ADGRF3: variants seen among roughly 807,000 people sequenced by gnomAD.
ADGRF3 encodes G protein-coupled receptor 113.
In ADGRF3, 85 loss-of-function variants were observed where a neutral mutation model predicts 93.2. The observed-to-expected ratio is 0.91, with a 90% confidence interval of 0.77 to 1.09. The LOEUF (loss-of-function observed/expected upper bound fraction) is 1.09. Among genes scored for constraint, ADGRF3 ranks in the 50% least tolerant of loss-of-function variants. ADGRF3 has a pLI of 0.00. For synonymous variants in ADGRF3, 534 were observed against 532.5 expected, an observed-to-expected ratio of 1.00 and a Z score of -0.04; for missense variants, 1,125 against 1,246.2, an observed-to-expected ratio of 0.90 and a Z score of 1.46.
chr2:26,315,322 C>T (rs544737664), intron 5 of ADGRF3, among the ~76,000 whole-genome samples, 200 bp downstream of exon 5: 1 of 152,222 alleles, frequency 6.6e-6, no homozygotes, highest in Non-Finnish European at 1.5e-5. Flanking sequence ...TTTTTCACAC[C>T]AAGGGACCTC....
chr2:26,333,512 C>G, intron 1 of ADGRF3, among the ~76,000 whole-genome samples: 1 of 150,606 alleles, frequency 6.6e-6, no homozygotes, highest in Non-Finnish European at 1.5e-5. Flanking sequence ...CCCTAGGTAC[C>G]AGTCATCTCA....
Position 26,309,026 on chromosome 2 carries a change from T to G in ADGRF3, c.*60A>C. On this transcript the variant is annotated 3_prime_UTR_variant, in exon 14 of 14. Transcript: ENST00000651242. Reference sequence around the variant, plus strand: ...GTTCAGAGCATTGGGCCAGGGCTCATCTGGTGGGTTCAAGCACACAGCCTC... The same window carrying G: ...GTTCAGAGCATTGGGCCAGGGCTCAGCTGGTGGGTTCAAGCACACAGCCTC... 1 of 1,613,016 alleles carries G rather than the reference T, an allele frequency of 6.2e-7. No individual in the cohort carries two copies. The highest frequency in any genetic ancestry group is 8.5e-7 in the Non-Finnish European group (1 of 1,179,076).
chr2:26,308,885 C>G lies in ADGRF3; in HGVS notation c.*201G>C. ...AGGTGCCTTTAGCTAATTTTTCCTG[C>G]TATTCTTGCTGGATACTTTAGAAAT... is the stretch of plus-strand genomic sequence containing the variant. On this transcript the variant is annotated 3_prime_UTR_variant, in exon 14 of 14. Transcript: ENST00000651242. 1 of 607,964 alleles carries G rather than the reference C, an allele frequency of 1.6e-6. No homozygotes were observed. Among genetic ancestry groups the G allele is most frequent in the Non-Finnish European group, 2.8e-6 (1 of 361,326 alleles). 37.7% of individuals were successfully genotyped at this position (607,964 alleles called of 1,614,324 possible).
chr2:26,346,132 G>A lies in ADGRF3; in HGVS notation c.103C>T (p.Leu35=). ...TGWARMAKTG[L]PEKGQSQAGG... is the part of the protein sequence containing the mutation. ...CGCGGCTCTCCTACCTTCTCGGGCA[G>A]CCCAGTCTTTGCCATCCTTGCCCAG... Residue 35 remains leucine, a synonymous_variant, in exon 1 of 14, where the codon CTG becomes TTG. Coordinates refer to ENST00000651242, the MANE Select transcript of ADGRF3 (RefSeq NM_001321971.2). The A allele has an allele frequency of 6.3e-7, 1 of 1,595,894 alleles. No individual in the cohort carries two copies.
At chr2:26,314,319 G>A (rs1419420274) in intron 6 of ADGRF3, 95 bp downstream of exon 6, 2 of 1,159,594 alleles carry the variant, frequency 1.7e-6, no homozygotes, top group African/African-American at 3.1e-5. Context: ...GTTGAACTGT[G>A]GCCTCTGTTT....
chr2:26,341,946 G>A (rs1272159619), intron 1 of ADGRF3, among the ~76,000 whole-genome samples: 1 of 151,912 alleles, frequency 6.6e-6, no homozygotes, highest in Admixed American at 6.6e-5. Context: ...GGTGGCAGGT[G>A]CCTGTAGTCC....
chr2:26,330,623 C>T (rs1320651796), intron 1 of ADGRF3, among the ~76,000 whole-genome samples: 2 of 151,984 alleles, frequency 1.3e-5, no homozygotes, highest in Non-Finnish European at 2.9e-5. Context: ...TGCTTAGAGG[C>T]TGGGTGTGAA....
At chr2:26,310,609 C>G in intron 10 of ADGRF3, 83 bp downstream of exon 10, 1 of 1,408,280 alleles carries the variant, frequency 7.1e-7, no homozygotes, top group Non-Finnish European at 9.7e-7. Context: ...TCTGCTCCAC[C>G]TTGGTACCTC....
Position 26,316,331 on chromosome 2 carries a change from C to T in ADGRF3, c.443G>A (p.Cys148Tyr), listed in dbSNP as rs1347321804. ...GGGATGGCTGAAGACAAGGCAGCCACAAGGCTGGTGGTTGTGGAGGCTTTG... is the reference window on the plus strand; with the variant it reads ...GGGATGGCTGAAGACAAGGCAGCCATAAGGCTGGTGGTTGTGGAGGCTTTG... Reference protein sequence around the residue: ...PCQSLHNHQPCGCLVFSHPEP... With the variant: ...PCQSLHNHQPYGCLVFSHPEP... The change falls in exon 4 of 14, where the codon TGT becomes TAT. Residue 148 changes from cysteine (C) to tyrosine (Y), a missense_variant. Transcript: ENST00000651242. 6.4e-7 allele frequency: 1 copy of T among 1,551,964 alleles called. No individual in the cohort carries two copies. Among genetic ancestry groups the T allele is most frequent in the South Asian group, 1.2e-5 (1 of 84,064 alleles).
intron 1 of ADGRF3, among the ~76,000 whole-genome samples, chr2:26,334,532 C>T (rs990067745): frequency 3.3e-5 from 5 of 152,154 alleles, no homozygotes; most frequent in African/African-American, 4.8e-5. Flanking sequence ...GTGGCTACCT[C>T]AAGGGCTTGC....
intron 11 of ADGRF3, 23 bp downstream of exon 11, chr2:26,310,173 G>A: frequency 6.2e-7 from 1 of 1,613,872 alleles, no homozygotes; most frequent in South Asian, 1.1e-5. Flanking sequence ...AAGTGAGGCA[G>A]GGGGTTAGGT....
chr2:26,344,343 C>G (rs985393267), intron 1 of ADGRF3, among the ~76,000 whole-genome samples: 8 of 152,208 alleles, frequency 5.3e-5, no homozygotes, highest in Admixed American at 2.6e-4. Flanking sequence ...GAGGTTTCAC[C>G]ATATTGTCCA....
intron 1 of ADGRF3, 49 bp downstream of exon 1, chr2:26,346,072 G>A: frequency 2.6e-6 from 4 of 1,521,326 alleles, no homozygotes; most frequent in Non-Finnish European, 3.5e-6. Flanking sequence ...GCGGCCGAAG[G>A]GGCCGAGGCG....
intron 1 of ADGRF3, chr2:26,318,150 G>C: frequency 7.1e-7 from 1 of 1,417,468 alleles, no homozygotes; most frequent in Non-Finnish European, 9.5e-7. Flanking sequence ...GATGGAGCTG[G>C]CCCAAGGAGA....
chr2:26,315,916 G>T, intron 4 of ADGRF3, 176 bp from the exon 5 acceptor site: 1 of 985,440 alleles, frequency 1.0e-6, no homozygotes, highest in Non-Finnish European at 1.5e-6. Context: ...CTGCAATCCA[G>T]CCTGGAAGAC....
chr2:26,316,285 C>T lies in ADGRF3; in HGVS notation c.489G>A (p.Leu163=). ...FSHPEPGYCQ[L]LPPVPGILNL... is the part of the protein sequence containing the mutation. ...CCCAACCTTCCTCACCAGGTGGCAG[C>T]AACTGGCAGTACCCGGGTTCGGGAT... is the stretch of plus-strand genomic sequence containing the variant. Residue 163 remains leucine, a synonymous_variant, in exon 4 of 14, where the codon TTG becomes TTA. Transcript: ENST00000651242. 1 of 1,551,286 alleles carries T rather than the reference C, an allele frequency of 6.4e-7. No homozygotes were observed. The highest frequency in any genetic ancestry group is 8.7e-7 in the Non-Finnish European group (1 of 1,146,766).
intron 1 of ADGRF3, among the ~76,000 whole-genome samples, chr2:26,328,589 G>A (rs1675583683): frequency 6.6e-6 from 1 of 152,002 alleles, no homozygotes. Flanking sequence ...GAGTAGCTGG[G>A]ACCACAGGTG....
At chr2:26,321,358 G>A (rs189186434) in intron 1 of ADGRF3, among the ~76,000 whole-genome samples, 2 of 152,338 alleles carry the variant, frequency 1.3e-5, no homozygotes, top group Admixed American at 1.3e-4. Flanking sequence ...AGCATGCTGT[G>A]TGCTGTCTGT....
At chr2:26,325,879 A>G (rs1675406172) in intron 1 of ADGRF3, among the ~76,000 whole-genome samples, 1 of 152,218 alleles carries the variant, frequency 6.6e-6, no homozygotes, top group Non-Finnish European at 1.5e-5. Flanking sequence ...GACCTACCTA[A>G]GTGTGAGACA....
Sources: allele counts gnomAD v4.1 joint callset (sites outside exome capture counted in the v4.1 genomes callset), GRCh38; gene constraint gnomAD v4.1.1; transcripts MANE v1.5; gene names NCBI Gene and HGNC (gene_info 2026-07-23, HGNC 2026-07-21).